Variants in G2E3 observed in about 807,000 individuals in gnomAD.
G2E3 encodes G2/M phase-specific E3 ubiquitin-protein ligase.
G2E3 carries 35 observed loss-of-function variants against 92.8 expected under a neutral mutation model. That is an observed-to-expected ratio of 0.38 (90% CI 0.29 to 0.50). G2E3 has a LOEUF of 0.50. G2E3 is among the 20% of genes least tolerant of loss of function. G2E3 has a pLI of 0.94. For missense variants in G2E3, 554 were observed against 823.8 expected (o/e 0.67, Z 4.01); for synonymous variants, 242 against 272.4 (o/e 0.89, Z 1.10).
chr14:30,607,645 G>A (rs140527988), intron 11 of G2E3, among the ~76,000 whole-genome samples: 176 of 152,256 alleles, frequency 1.2e-3, no homozygotes, highest in African/African-American at 3.8e-3. Flanking sequence ...AGTGTTCACA[G>A]TGGTTATTAT....
intron 10 of G2E3, among the ~76,000 whole-genome samples, chr14:30,603,918 C>T (rs1444000775): frequency 6.6e-6 from 1 of 152,186 alleles, no homozygotes; most frequent in African/African-American, 2.4e-5. Flanking sequence ...ACTGGATTTG[C>T]AGACAGGTAG....
intron 1 of G2E3, among the ~76,000 whole-genome samples, chr14:30,568,374 C>T (rs147203713): frequency 5.7e-4 from 87 of 152,140 alleles, no homozygotes; most frequent in African/African-American, 2.1e-3. Context: ...TCAACCTTTG[C>T]CTTTTAATTG....
Position 30,601,994 on chromosome 14 carries a change from T to C in G2E3, c.878-5T>C. The C allele has an allele frequency of 4.3e-6, 7 of 1,610,712 alleles. No homozygotes were observed. Among genetic ancestry groups the C allele is most frequent in the Non-Finnish European group, 5.9e-6 (7 of 1,178,138 alleles). ...TTATGCTAACATGGAAATTTAAATC[T>C]GTAGGAGAGTTCCAAAAAGCCAAAA... is the stretch of plus-strand genomic sequence containing the variant. On this transcript the variant is annotated splice_polypyrimidine_tract_variant and splice_region_variant and intron_variant, in intron 9 of 14. Transcript: ENST00000206595.
In G2E3 at chr14:30,612,379, G is replaced by C; in HGVS notation, c.1673G>C (p.Ser558Thr). 2 of 1,545,708 alleles carry C rather than the reference G, an allele frequency of 1.3e-6. No individual in the cohort carries two copies. Among genetic ancestry groups the C allele is most frequent in the Non-Finnish European group, 1.8e-6 (2 of 1,142,536 alleles). Reference protein sequence around the residue: ...VIQRVHTPFESFKQGLKTLGV... With the variant: ...VIQRVHTPFETFKQGLKTLGV... The stretch of plus-strand genomic sequence containing the variant: ...CAGAGAGTCCACACACCCTTTGAAA[G>C]GTAAGTTGTTTCTATTAATATATGG... Residue 558 changes from serine to threonine, a missense_variant and splice_region_variant, in exon 13 of 15, where the codon AGT becomes ACT. Ser to Thr is a moderately conservative substitution (Grantham distance 58). Around this residue, in one of 3 missense-constraint regions of G2E3, gnomAD observed 397 missense variants for 560.3 expected, o/e 0.71. Transcript: ENST00000206595.
At chr14:30,574,983 T>G (rs1464131154) in intron 1 of G2E3, among the ~76,000 whole-genome samples, 1 of 152,202 alleles carries the variant, frequency 6.6e-6, no homozygotes, top group Non-Finnish European at 1.5e-5. Flanking sequence ...TGCTTTTTGC[T>G]CTTTGTGGAT....
At chr14:30,562,543 C>T (rs1055188307) in intron 1 of G2E3, among the ~76,000 whole-genome samples, 4 of 152,120 alleles carry the variant, frequency 2.6e-5, no homozygotes, top group African/African-American at 4.8e-5. Context: ...CATGGTCTAG[C>T]GATAGCGTCA....
chr14:30,607,159 A>G (rs1443793086), intron 11 of G2E3, among the ~76,000 whole-genome samples: 3 of 152,092 alleles, frequency 2.0e-5, no homozygotes, highest in Non-Finnish European at 4.4e-5. Flanking sequence ...AGATTTGAGT[A>G]ATTTTGAGTA....
At chr14:30,598,259 C>G in intron 7 of G2E3, 1 of 377,384 alleles carries the variant, frequency 2.6e-6, no homozygotes, top group Non-Finnish European at 5.0e-6. Flanking sequence ...GGTGGCAGGC[C>G]CCTGTAATCC....
chr14:30,593,874 C>T (rs534084610), intron 6 of G2E3, among the ~76,000 whole-genome samples: 1 of 152,186 alleles, frequency 6.6e-6, no homozygotes, highest in African/African-American at 2.4e-5. Context: ...TATATTTATA[C>T]TTAAAGAATT....
Position 30,619,578 on chromosome 14 carries a change from A to G in G2E3, c.*3044A>G, listed in dbSNP as rs1048690048. 1 of 152,142 alleles carries G rather than the reference A, an allele frequency of 6.6e-6. No individual in the cohort carries two copies. Among genetic ancestry groups the G allele is most frequent in the African/African-American group, 2.4e-5 (1 of 41,444 alleles). The allele number at this position is 152,142 out of a possible 1,614,324, so 9.4% of individuals were successfully genotyped here. On this transcript the variant is annotated 3_prime_UTR_variant, in exon 15 of 15. Coordinates refer to ENST00000206595, the MANE Select transcript of G2E3 (RefSeq NM_017769.5). Reference sequence around the variant, plus strand: ...CAAAACATAACCCATTTAATGATGAATTACTTGAATGTATATTATCTGTGG... The same window carrying G: ...CAAAACATAACCCATTTAATGATGAGTTACTTGAATGTATATTATCTGTGG...
At chr14:30,605,242 A>G (rs1881773503) in intron 10 of G2E3, among the ~76,000 whole-genome samples, 1 of 152,172 alleles carries the variant, frequency 6.6e-6, no homozygotes, top group African/African-American at 2.4e-5. Flanking sequence ...GTCAAATTTG[A>G]GATAATTATC....
At chr14:30,585,385 T>C (rs1880654015) in intron 2 of G2E3, among the ~76,000 whole-genome samples, 1 of 152,206 alleles carries the variant, frequency 6.6e-6, no homozygotes, top group African/African-American at 2.4e-5. Context: ...AAGGAGCTAA[T>C]TGTCCCAGCA....
chr14:30,581,565 G>T (rs1338862584), intron 2 of G2E3, among the ~76,000 whole-genome samples: 1 of 152,154 alleles, frequency 6.6e-6, no homozygotes, highest in African/African-American at 2.4e-5. Context: ...AAATTAGCCA[G>T]GAGGCGCATG....
intron 1 of G2E3, among the ~76,000 whole-genome samples, chr14:30,579,169 A>G (rs3825740): frequency 0.2 from 29,819 of 152,126 alleles, 3,333 homozygotes; most frequent in East Asian, 0.48. Flanking sequence ...GAAAAGAAAG[A>G]AAAAAATCCA....
intron 1 of G2E3, among the ~76,000 whole-genome samples, chr14:30,569,941 T>G (rs1879661620): frequency 6.6e-6 from 1 of 152,228 alleles, no homozygotes. Flanking sequence ...CTCAGAATAT[T>G]TATTTTTCAC....
intron 10 of G2E3, among the ~76,000 whole-genome samples, chr14:30,603,217 T>C (rs1195133127): frequency 6.6e-6 from 1 of 151,838 alleles, no homozygotes; most frequent in East Asian, 1.9e-4. Flanking sequence ...TCCCAGCTAC[T>C]TGGGAGGCTG....
chr14:30,604,062 A>G (rs1306521006), intron 10 of G2E3, among the ~76,000 whole-genome samples: 1 of 152,224 alleles, frequency 6.6e-6, no homozygotes, highest in East Asian at 1.9e-4. Flanking sequence ...ATTATTTTAA[A>G]ATAATTTTAA....
At chr14:30,582,390 G>A (rs532575645) in intron 2 of G2E3, among the ~76,000 whole-genome samples, 2 of 152,278 alleles carry the variant, frequency 1.3e-5, no homozygotes, top group South Asian at 2.1e-4. Context: ...ATGCATGCCT[G>A]AAACCTAGTC....
intron 8 of G2E3, among the ~76,000 whole-genome samples, chr14:30,600,705 C>G (rs1324606627): frequency 2.0e-5 from 3 of 152,184 alleles, no homozygotes; most frequent in Middle Eastern, 6.8e-3. Flanking sequence ...CCCTCTCATC[C>G]TAGTGAGAAG....
Sources: allele counts gnomAD v4.1 joint callset (sites outside exome capture counted in the v4.1 genomes callset), GRCh38; gene constraint gnomAD v4.1.1; regional missense constraint gnomAD v4.1.1; transcripts MANE v1.5; gene names NCBI Gene and HGNC (gene_info 2026-07-23, HGNC 2026-07-21).